WWP2: variants seen among roughly 807,000 people sequenced by gnomAD.
The protein encoded by WWP2 is NEDD4-like E3 ubiquitin-protein ligase WWP2.
A neutral mutation model predicts 121.0 loss-of-function variants in WWP2; 57 were observed. That is an observed-to-expected ratio of 0.47 (90% CI 0.38 to 0.59). WWP2 has a LOEUF of 0.59. WWP2 is among the 20% of genes least tolerant of loss of function. WWP2 has a pLI of 0.00. For synonymous variants in WWP2, 449 were observed against 441.3 expected (o/e 1.02, Z -0.22); for missense variants, 962 against 1,158.9 (o/e 0.83, Z 2.47).
intron 6 of WWP2, among the ~76,000 whole-genome samples, chr16:69,869,885 G>C (rs1264588940): frequency 6.6e-6 from 1 of 152,162 alleles, no homozygotes; most frequent in Admixed American, 6.5e-5. Context: ...CTGGACCAAA[G>C]ACTCCCAGCA....
intron 6 of WWP2, among the ~76,000 whole-genome samples, chr16:69,848,786 G>A (rs146069468): frequency 2.0e-3 from 298 of 152,294 alleles, no homozygotes; most frequent in Non-Finnish European, 3.5e-3. Context: ...GTTTGTGTGT[G>A]CATGTAGGCC....
intron 4 of WWP2, among the ~76,000 whole-genome samples, chr16:69,833,173 G>T (rs2151861331): frequency 6.6e-6 from 1 of 152,352 alleles, no homozygotes; most frequent in East Asian, 1.9e-4. Context: ...TAAGCCATCG[G>T]TTTGTCTGAG....
chr16:69,898,820 C>T (rs930019778), intron 8 of WWP2, among the ~76,000 whole-genome samples: 1 of 152,204 alleles, frequency 6.6e-6, no homozygotes, highest in Non-Finnish European at 1.5e-5. Context: ...TCTCTTGCCT[C>T]AGCCTCTGGA....
chr16:69,771,952 CTTTTTTTTTTTTTT>C (rs56376857), intron 1 of WWP2, among the ~76,000 whole-genome samples: 1 of 55,808 alleles, frequency 1.8e-5, no homozygotes, highest in Admixed American at 2.3e-4. Context: ...TCTTTTTAGT[CTTTTTTTTTTTTTT>C]TTTTTTTTTT....
intron 1 of WWP2, among the ~76,000 whole-genome samples, chr16:69,771,952 CTTTTTTTTTTTTTTT>C (rs56376857): frequency 1.8e-5 from 1 of 55,808 alleles, no homozygotes; most frequent in Admixed American, 2.3e-4. Context: ...TCTTTTTAGT[CTTTTTTTTTTTTTTT>C]TTTTTTTTTT....
At chr16:69,836,103 A>G (rs893834725) in intron 4 of WWP2, among the ~76,000 whole-genome samples, 5 of 152,128 alleles carry the variant, frequency 3.3e-5, no homozygotes, top group Admixed American at 6.5e-5. Flanking sequence ...GTGCCTGTGC[A>G]TAAAACCATA....
chr16:69,851,104 AG>A (rs1445363305), intron 6 of WWP2, among the ~76,000 whole-genome samples: 3 of 146,202 alleles, frequency 2.1e-5, no homozygotes, highest in African/African-American at 7.6e-5. Flanking sequence ...TCTGCCTCCC[AG>A]GTTCAAGTGA....
At chr16:69,920,426 C>T (rs1276463396) in intron 10 of WWP2, among the ~76,000 whole-genome samples, 1 of 152,152 alleles carries the variant, frequency 6.6e-6, no homozygotes, top group Non-Finnish European at 1.5e-5. Flanking sequence ...TCTTTCACCA[C>T]ATTTCAGAGA....
intron 8 of WWP2, among the ~76,000 whole-genome samples, chr16:69,900,154 A>G (rs1040110233): frequency 1.3e-5 from 2 of 152,220 alleles, no homozygotes; most frequent in Non-Finnish European, 2.9e-5. Context: ...ATGTCCTAGA[A>G]GTAAAGTAGC....
intron 7 of WWP2, among the ~76,000 whole-genome samples, chr16:69,885,025 G>C (rs2057898220): frequency 6.6e-6 from 1 of 150,672 alleles, no homozygotes; most frequent in African/African-American, 2.4e-5. Context: ...TGTTTTAATT[G>C]CTGTAGCTTT....
intron 2 of WWP2, among the ~76,000 whole-genome samples, chr16:69,792,878 T>C (rs2055942468): frequency 6.6e-6 from 1 of 152,010 alleles, no homozygotes; most frequent in Non-Finnish European, 1.5e-5. Context: ...TTTTGTAGAT[T>C]TGGGGTCTTG....
At chr16:69,894,242 ATT>A (rs34251036) in intron 8 of WWP2, among the ~76,000 whole-genome samples, 4,960 of 132,024 alleles carry the variant, frequency 0.038, 224 homozygotes, top group African/African-American at 0.12. Flanking sequence ...TACCCAGGCT[ATT>A]TTTTTTTTTT....
intron 11 of WWP2, among the ~76,000 whole-genome samples, chr16:69,928,782 G>A (rs1333193350): frequency 6.6e-6 from 1 of 152,166 alleles, no homozygotes; most frequent in Non-Finnish European, 1.5e-5. Flanking sequence ...TCTAAGAAGA[G>A]GCTGGGCAGT....
chr16:69,786,413 A>C (rs1271305323), intron 1 of WWP2, among the ~76,000 whole-genome samples: 5 of 145,390 alleles, frequency 3.4e-5, no homozygotes, highest in African/African-American at 1.3e-4. Flanking sequence ...GCTGGGGATT[A>C]CAGGCATGAG....
At position 69,861,797 on chromosome 16, in the gene WWP2, A is replaced by G. The variant is rs371730052; in HGVS notation, c.576-10007A>G. Reference sequence around the variant, plus strand: ...TCCTTTTTTATTTTTTCATGCTTCTATTTTAAGTGCCTGTTTCTTTCTGGT... The same window carrying G: ...TCCTTTTTTATTTTTTCATGCTTCTGTTTTAAGTGCCTGTTTCTTTCTGGT... On this transcript the variant is annotated intron_variant, in intron 6 of 23. Coordinates refer to ENST00000359154, the MANE Select transcript of WWP2 (RefSeq NM_001270454.2). Among the ~76,000 whole-genome samples the G allele has an allele frequency of 3.2e-4, 48 of 151,562 alleles. No homozygotes were observed. The South Asian group carries it at 8.4e-3, about 26-fold the overall frequency.
intron 6 of WWP2, among the ~76,000 whole-genome samples, chr16:69,855,006 C>A (rs1337162399): frequency 6.6e-6 from 1 of 152,076 alleles, no homozygotes; most frequent in East Asian, 1.9e-4. Context: ...CAGGTGTGCA[C>A]CACCACAGTA....
intron 2 of WWP2, among the ~76,000 whole-genome samples, chr16:69,798,457 A>G (rs956978255): frequency 6.6e-6 from 1 of 151,620 alleles, no homozygotes; most frequent in Non-Finnish European, 1.5e-5. Flanking sequence ...ACTGGCAGTT[A>G]TCCCAGTGGT....
intron 6 of WWP2, among the ~76,000 whole-genome samples, chr16:69,858,083 T>C (rs1200513577): frequency 6.6e-6 from 1 of 152,176 alleles, no homozygotes; most frequent in Non-Finnish European, 1.5e-5. Flanking sequence ...GTTGGTTTTG[T>C]TCCTTTTCTT....
intron 10 of WWP2, among the ~76,000 whole-genome samples, chr16:69,920,818 G>A (rs2058550436): frequency 2.0e-5 from 3 of 152,018 alleles, no homozygotes; most frequent in Admixed American, 2.0e-4. Flanking sequence ...ATGCATTAAA[G>A]CAATTTTTTT....
Sources: allele counts gnomAD v4.1 joint callset (sites outside exome capture counted in the v4.1 genomes callset), GRCh38; gene constraint gnomAD v4.1.1; transcripts MANE v1.5; gene names NCBI Gene and HGNC (gene_info 2026-07-23, HGNC 2026-07-21).